The following EYA3 variants were observed in gnomAD, a reference collection of about 807,000 sequenced individuals.
EYA3 encodes EYA transcriptional coactivator and phosphatase 3.
A neutral mutation model predicts 80.0 loss-of-function variants in EYA3; 39 were observed. The ratio of observed to expected loss-of-function variants is 0.49; its 90% CI spans 0.38 to 0.64. The LOEUF (loss-of-function observed/expected upper bound fraction) is 0.64, where lower values mean the gene tolerates loss of function less well. Among genes scored for constraint, EYA3 ranks in the 30% least tolerant of loss-of-function variants. The pLI is 0.00. For missense variants in EYA3, 523 were observed against 676.1 expected (o/e 0.77, Z 2.51); for synonymous variants, 206 against 232.8 (o/e 0.88, Z 1.05).
intron 9 of EYA3, 27 bp from the exon 10 acceptor site, chr1:28,011,113 T>C (rs201356170): frequency 3.1e-5 from 50 of 1,605,882 alleles, no homozygotes; most frequent in Non-Finnish European, 3.6e-5. Context: ...AAACATATGT[T>C]GTCAGGAGTC....
chr1:28,025,316 G>A (rs941507351), intron 7 of EYA3, among the ~76,000 whole-genome samples: 3 of 152,136 alleles, frequency 2.0e-5, no homozygotes, highest in Non-Finnish European at 4.4e-5. Flanking sequence ...ACCACAAAAA[G>A]GGAGGAGAAG....
At chr1:28,000,562 T>C (rs548023068) in intron 11 of EYA3, among the ~76,000 whole-genome samples, 1 of 152,206 alleles carries the variant, frequency 6.6e-6, no homozygotes, top group East Asian at 2.0e-4. Flanking sequence ...TCCACCCCCG[T>C]CGGCCTCCCA....
chr1:27,992,837 G>A (rs1047417954), intron 14 of EYA3, among the ~76,000 whole-genome samples: 1 of 152,104 alleles, frequency 6.6e-6, no homozygotes, highest in African/African-American at 2.4e-5. Context: ...TTAGACTTCT[G>A]TCTCTTTTAA....
At chr1:27,992,158 A>C (rs1388115351) in intron 14 of EYA3, among the ~76,000 whole-genome samples, 1 of 152,172 alleles carries the variant, frequency 6.6e-6, no homozygotes, top group African/African-American at 2.4e-5. Flanking sequence ...AAGGCAGCAT[A>C]GTATAGTACA....
intron 4 of EYA3, among the ~76,000 whole-genome samples, chr1:28,040,853 G>C (rs951116046): frequency 6.9e-6 from 1 of 145,692 alleles, no homozygotes; most frequent in Non-Finnish European, 1.5e-5. Flanking sequence ...GGGCGGAGGG[G>C]CAGGGGGGGG....
chr1:28,088,467 C>T (rs1354390711), intron 1 of EYA3, 57 bp downstream of exon 1: 1 of 153,118 alleles, frequency 6.5e-6, no homozygotes, highest in Non-Finnish European at 1.5e-5. Context: ...AGACCCATCC[C>T]CCTTCACGCT....
At chr1:28,047,964 A>G (rs1343595968) in intron 3 of EYA3, among the ~76,000 whole-genome samples, 1 of 152,128 alleles carries the variant, frequency 6.6e-6, no homozygotes, top group African/African-American at 2.4e-5. Flanking sequence ...CTATAAGAGG[A>G]GTGGGGTTAA....
intron 17 of EYA3, 66 bp from the exon 18 acceptor site, chr1:27,974,612 A>C (rs1325683803): frequency 5.0e-6 from 7 of 1,406,998 alleles, no homozygotes; most frequent in African/African-American, 1.4e-5. Flanking sequence ...ATATTTGCCC[A>C]TACTCTTTCC....
intron 1 of EYA3, among the ~76,000 whole-genome samples, chr1:28,073,127 A>ATATATTTT (rs1553157671): frequency 1.3e-4 from 2 of 14,998 alleles, no homozygotes; most frequent in African/African-American, 6.3e-4. Context: ...ATATATATAT[A>ATATATTTT]TTTTTTTTTT....
intron 6 of EYA3, among the ~76,000 whole-genome samples, chr1:28,034,239 G>A (rs1247495335): frequency 6.6e-6 from 1 of 152,040 alleles, no homozygotes; most frequent in Non-Finnish European, 1.5e-5. Flanking sequence ...CAGCAGGAAT[G>A]ATCAACTGTT....
At chr1:28,038,950 C>G (rs778062151) in intron 4 of EYA3, 45 bp from the exon 5 acceptor site, 10 of 1,341,632 alleles carry the variant, frequency 7.5e-6, no homozygotes, top group Middle Eastern at 1.8e-4. Context: ...TAGAACATTT[C>G]GAAAATGGAA....
intron 1 of EYA3, among the ~76,000 whole-genome samples, chr1:28,067,643 G>T (rs1277101872): frequency 6.6e-6 from 1 of 151,818 alleles, no homozygotes; most frequent in Non-Finnish European, 1.5e-5. Context: ...TAGGCAGAAA[G>T]ATTCATTTGA....
In EYA3 at chr1:28,004,378, G is replaced by A; in HGVS notation, c.951C>T (p.Phe317=). The part of the protein sequence containing the change: ...LWDLDETIII[F]HSLLTGSYAQ... ...CATAGGATCCAGTAAGAAGTGAGTGGAAGATGATGATGGTTTCATCCAAGT... is the reference window on the plus strand; with the variant it reads ...CATAGGATCCAGTAAGAAGTGAGTGAAAGATGATGATGGTTTCATCCAAGT... The change falls in exon 11 of 18, where the codon TTC becomes TTT. Residue 317 remains phenylalanine, a synonymous_variant. Coordinates refer to ENST00000373871, the MANE Select transcript of EYA3 (RefSeq NM_001990.4). The A allele has an allele frequency of 6.2e-7, 1 of 1,607,532 alleles. No homozygotes were observed. The highest frequency in any genetic ancestry group is 8.5e-7 in the Non-Finnish European group (1 of 1,175,244).
At chr1:28,027,191 T>G (rs2148825630) in intron 7 of EYA3, among the ~76,000 whole-genome samples, 1 of 152,210 alleles carries the variant, frequency 6.6e-6, no homozygotes, top group East Asian at 1.9e-4. Flanking sequence ...TAGTGCCTTT[T>G]GAGTTTTTTG....
Position 27,972,157 on chromosome 1 carries a change from C to T in EYA3, c.*2309G>A, listed in dbSNP as rs1422290386. On this transcript the variant is annotated 3_prime_UTR_variant, in exon 18 of 18. Coordinates refer to ENST00000373871, the MANE Select transcript of EYA3 (RefSeq NM_001990.4). ...ACTCCGCAGCCTCACAAACCTGAAG[C>T]GCAGCACAACAGCCGTGGCCTTTGT... 6.6e-6 allele frequency: 1 copy of T among 152,198 alleles called. No homozygotes were observed. Among genetic ancestry groups the T allele is most frequent in the Non-Finnish European group, 1.5e-5 (1 of 68,064 alleles). The allele number at this position is 152,198 out of a possible 1,614,324, so 9.4% of individuals were successfully genotyped here. A position where few individuals can be genotyped will look rare whatever the true frequency, so the allele number is the denominator to read the frequency against.
At chr1:28,028,716 C>T (rs1359504187) in intron 6 of EYA3, among the ~76,000 whole-genome samples, 2 of 151,584 alleles carry the variant, frequency 1.3e-5, no homozygotes, top group South Asian at 2.1e-4. Context: ...TACACTCAGT[C>T]CAGATTTCTT....
chr1:27,995,250 A>G (rs948828307), intron 13 of EYA3, among the ~76,000 whole-genome samples: 4 of 151,732 alleles, frequency 2.6e-5, no homozygotes, highest in African/African-American at 9.7e-5. Flanking sequence ...TAAAAAAAAA[A>G]AAAATGGAAA....
At chr1:28,080,479 A>C (rs892242151) in intron 1 of EYA3, among the ~76,000 whole-genome samples, 15 of 152,084 alleles carry the variant, frequency 9.9e-5, no homozygotes, top group Non-Finnish European at 1.3e-4. Flanking sequence ...CAAACAAACA[A>C]AATAGAATAG....
intron 6 of EYA3, among the ~76,000 whole-genome samples, chr1:28,034,752 T>C (rs2148844124): frequency 6.6e-6 from 1 of 152,262 alleles, no homozygotes; most frequent in South Asian, 2.1e-4. Flanking sequence ...GTCTGGAAAA[T>C]TTTTCTAATT....
Sources: allele counts gnomAD v4.1 joint callset (sites outside exome capture counted in the v4.1 genomes callset), GRCh38; gene constraint gnomAD v4.1.1; transcripts MANE v1.5; gene names NCBI Gene and HGNC (gene_info 2026-07-23, HGNC 2026-07-21).